FNTB: variants seen among roughly 807,000 people sequenced by gnomAD.
FNTB encodes farnesyltransferase, CAAX box, subunit beta.
In FNTB, 27 loss-of-function variants were observed where a neutral mutation model predicts 59.4. That is an observed-to-expected ratio of 0.45 (90% CI 0.34 to 0.63). The LOEUF (loss-of-function observed/expected upper bound fraction) is 0.63, where lower values mean the gene tolerates loss of function less well. Ranked by LOEUF, FNTB falls within the 20% of genes least tolerant of loss-of-function variation. The pLI is 0.02. For synonymous variants in FNTB, 230 were observed against 220.7 expected (o/e 1.04, Z -0.37); for missense variants, 449 against 559.6 (o/e 0.80, Z 1.99).
chr14:65,032,741 G>A lies in FNTB; in HGVS notation c.692+45G>A. The A allele has an allele frequency of 6.3e-7, 1 of 1,580,968 alleles. No homozygotes were observed. Among genetic ancestry groups the A allele is most frequent in the Non-Finnish European group, 8.6e-7 (1 of 1,161,130 alleles). Reference sequence around the variant, plus strand: ...CTCCTGGCCTCTTGGAGAGCAGGCGGTCACGACACTACTTCAGAAAAATAA... The same window carrying A: ...CTCCTGGCCTCTTGGAGAGCAGGCGATCACGACACTACTTCAGAAAAATAA... On this transcript the variant is annotated intron_variant, in intron 7 of 11. Transcript: ENST00000246166. The surrounding 1 kb of genome is among the most constrained non-coding windows in gnomAD (Gnocchi z 5.0).
Position 65,032,214 on chromosome 14 carries a change from A to G in FNTB, c.606-396A>G, listed in dbSNP as rs1395119565. 6.3e-6 allele frequency: 1 copy of G among 158,314 alleles called. No individual in the cohort carries two copies. Among genetic ancestry groups the G allele is most frequent in the East Asian group, 1.9e-4 (1 of 5,396 alleles). The allele number at this position is 158,314 out of a possible 1,614,324, so 9.8% of individuals were successfully genotyped here. ...CTGTAAACAGAAATCCTGGCTCTGA[A>G]ACAGTACTAACATCCAAATGAATGA... On this transcript the variant is annotated intron_variant, in intron 6 of 11. Transcript: ENST00000246166. The surrounding 1 kb of genome is among the most constrained non-coding windows in gnomAD (Gnocchi z 5.0).
chr14:65,016,996 C>T (rs1164056741), intron 4 of FNTB, among the ~76,000 whole-genome samples: 3 of 146,820 alleles, frequency 2.0e-5, no homozygotes, highest in Non-Finnish European at 4.5e-5. Context: ...AGTCTCAGCT[C>T]ACTGCTGCCT....
chr14:65,037,402 CCTTTTTTTTTTTTTTT>C (rs559360276), intron 7 of FNTB, among the ~76,000 whole-genome samples: 517 of 14,490 alleles, frequency 0.036, 142 homozygotes, highest in East Asian at 0.21. Flanking sequence ...CACGCCGGGC[CCTTTTTTTTTTTTTTT>C]TTTTTTTTTT....
Position 65,031,819 on chromosome 14 carries a change from G to A in FNTB, c.606-791G>A, listed in dbSNP as rs2139588881. On this transcript the variant is annotated intron_variant, in intron 6 of 11. Coordinates refer to ENST00000246166, the MANE Select transcript of FNTB (RefSeq NM_002028.4). This position sits in a 1 kb window ranked among gnomAD's most constrained non-coding sequence, Gnocchi z 4.6. The stretch of plus-strand genomic sequence containing the variant: ...GCCTGTAATCCCAGCTACTTGGGAG[G>A]CTGATACAGGAGAATTGCTTGAACC... Among the ~76,000 whole-genome samples the A allele has an allele frequency of 6.6e-6, 1 of 152,238 alleles. No individual in the cohort carries two copies. The highest frequency in any genetic ancestry group is 2.0e-4 in the East Asian group (1 of 5,122).
In FNTB at chr14:65,022,624, C is replaced by A. The variant is rs112578925; in HGVS notation, c.375-4829C>A. Among the ~76,000 whole-genome samples the A allele has an allele frequency of 2.2e-3, 334 of 152,054 alleles. 1 individual carries two copies. The highest frequency in any genetic ancestry group is 7.6e-3 in the African/African-American group (316 of 41,460). On this transcript the variant is annotated intron_variant, in intron 4 of 11. Transcript: ENST00000246166. ...TTAAGTGATCCTCCTGCCTTGGCCT[C>A]CCAAAGTCTAGGGATTACAGGCACG...
In FNTB at chr14:65,061,362, A is replaced by G; in HGVS notation, c.*50A>G. 1 of 1,611,060 alleles carries G rather than the reference A, an allele frequency of 6.2e-7. No individual in the cohort carries two copies. Among genetic ancestry groups the G allele is most frequent in the Non-Finnish European group, 8.5e-7 (1 of 1,179,356 alleles). On this transcript the variant is annotated 3_prime_UTR_variant, in exon 12 of 12. Transcript: ENST00000246166. ...TGCTCACCCATCTCCCCAGTCAGACAAGGTTTATACGTTTCAATACATACT... is the reference window on the plus strand; with the variant it reads ...TGCTCACCCATCTCCCCAGTCAGACGAGGTTTATACGTTTCAATACATACT...
chr14:65,007,275 T>A lies in FNTB; in HGVS notation c.209+2962T>A, dbSNP rs1470943530. On this transcript the variant is annotated intron_variant, in intron 2 of 11. Coordinates refer to ENST00000246166, the MANE Select transcript of FNTB (RefSeq NM_002028.4). The surrounding 1 kb of genome is among the most constrained non-coding windows in gnomAD (Gnocchi z 4.9). ...CATATTAATAGTCAAAATTTAAAAG[T>A]CTGACACTTTAATACAGGAAGTAAC... Among the ~76,000 whole-genome samples the A allele has an allele frequency of 2.0e-5, 3 of 152,244 alleles. No homozygotes were observed. Among genetic ancestry groups the A allele is most frequent in the Admixed American group, 2.0e-4 (3 of 15,288 alleles).
In FNTB at chr14:65,032,467, A is replaced by G; in HGVS notation, c.606-143A>G. 1.3e-6 allele frequency: 1 copy of G among 740,922 alleles called. No individual in the cohort carries two copies. Among genetic ancestry groups the G allele is most frequent in the Non-Finnish European group, 2.1e-6 (1 of 481,184 alleles). 45.9% of individuals were successfully genotyped at this position (740,922 alleles called of 1,614,324 possible). ...TGTCACACCTCTCAGTTGGAGACCCAGGAGGACTGACCGTGTGCCAAGAGT... is the reference window on the plus strand; with the variant it reads ...TGTCACACCTCTCAGTTGGAGACCCGGGAGGACTGACCGTGTGCCAAGAGT... On this transcript the variant is annotated intron_variant, in intron 6 of 11. Transcript: ENST00000246166. The surrounding 1 kb of genome is among the most constrained non-coding windows in gnomAD (Gnocchi z 5.0).
At chr14:65,026,732 C>A (rs2061988877) in intron 4 of FNTB, among the ~76,000 whole-genome samples, 1 of 152,000 alleles carries the variant, frequency 6.6e-6, no homozygotes, top group Non-Finnish European at 1.5e-5. Context: ...CGTGATGGTG[C>A]ACGCCTGTAA....
chr14:65,053,155 T>A (rs1332647280), intron 9 of FNTB, 83 bp from the exon 10 acceptor site: 6 of 1,104,832 alleles, frequency 5.4e-6, no homozygotes, highest in Non-Finnish European at 1.2e-6. Flanking sequence ...CCTTGACTAT[T>A]CCCCCAGGTG....
Position 65,012,444 on chromosome 14 carries a change from C to T in FNTB, c.282+55C>T. On this transcript the variant is annotated intron_variant, in intron 3 of 11. Coordinates refer to ENST00000246166, the MANE Select transcript of FNTB (RefSeq NM_002028.4). The surrounding 1 kb of genome is among the most constrained non-coding windows in gnomAD (Gnocchi z 5.0). ...TCAAATTATCCACCAAATCCTCCTC[C>T]TTTTTCTATTTAAACGTAAAAGACT... 6.2e-7 allele frequency: 1 copy of T among 1,607,936 alleles called. No homozygotes were observed. Among genetic ancestry groups the T allele is most frequent in the East Asian group, 2.2e-5 (1 of 44,696 alleles).
chr14:65,021,787 G>A (rs1159796401), intron 4 of FNTB, among the ~76,000 whole-genome samples: 2 of 152,102 alleles, frequency 1.3e-5, no homozygotes, highest in Non-Finnish European at 2.9e-5. Context: ...CTGGGACTAC[G>A]GGCGCATGCC....
intron 7 of FNTB, among the ~76,000 whole-genome samples, chr14:65,039,801 G>T (rs563822021): frequency 2.6e-4 from 39 of 152,066 alleles, no homozygotes; most frequent in African/African-American, 7.5e-4. Flanking sequence ...TAAAAATAAC[G>T]TTTATTTTTT....
At chr14:65,002,631 AAAAAG>A (rs1566863279) in intron 1 of FNTB, among the ~76,000 whole-genome samples, 1 of 152,050 alleles carries the variant, frequency 6.6e-6, no homozygotes. Context: ...TAAAATAAAA[AAAAAG>A]AAAGACCGGG....
chr14:65,042,874 C>G (rs1037922876), intron 8 of FNTB, among the ~76,000 whole-genome samples: 2 of 152,222 alleles, frequency 1.3e-5, no homozygotes, highest in African/African-American at 4.8e-5. Context: ...GCTGGAAGCC[C>G]TGGTTCATTT....
chr14:65,035,121 C>T (rs2062159629), intron 7 of FNTB, among the ~76,000 whole-genome samples: 1 of 152,192 alleles, frequency 6.6e-6, no homozygotes, highest in Non-Finnish European at 1.5e-5. Context: ...GATTCGTCCT[C>T]AGTTTCTGGC....
At chr14:64,992,171 T>C (rs1888225798) in intron 1 of FNTB, among the ~76,000 whole-genome samples, 2 of 152,346 alleles carry the variant, frequency 1.3e-5, no homozygotes, top group Middle Eastern at 3.4e-3. Flanking sequence ...GAATCCATTT[T>C]ATTTTATTGA....
At chr14:65,037,684 C>G (rs910529574) in intron 7 of FNTB, among the ~76,000 whole-genome samples, 102 of 149,636 alleles carry the variant, frequency 6.8e-4, no homozygotes, top group African/African-American at 2.4e-3. Flanking sequence ...TGCGGCTTCC[C>G]CAAGTGCTGG....
chr14:65,019,876 TAGA>T (rs768936125), intron 4 of FNTB, among the ~76,000 whole-genome samples: 34 of 152,214 alleles, frequency 2.2e-4, no homozygotes, highest in Non-Finnish European at 4.4e-5. Context: ...TCTATATAAA[TAGA>T]AGATTTTTTT....
Sources: gnomAD v4.1 joint callset for allele counts (sites outside exome capture counted in the v4.1 genomes callset) on GRCh38, gnomAD v4.1.1 for gene constraint, Gnocchi (gnomAD v3.1) non-coding constraint, MANE v1.5 for transcripts, NCBI Gene and HGNC (gene_info 2026-07-23, HGNC 2026-07-21) for gene names.